Variants in CSMD1 observed in about 807,000 individuals in gnomAD.
The protein encoded by CSMD1 is CUB and sushi domain-containing protein 1.
A neutral mutation model predicts 417.5 loss-of-function variants in CSMD1; 213 were observed. That is an observed-to-expected ratio of 0.51 (90% CI 0.46 to 0.57). The LOEUF (loss-of-function observed/expected upper bound fraction) is 0.57. Ranked by LOEUF, CSMD1 falls within the 20% of genes least tolerant of loss-of-function variation. CSMD1 has a pLI of 0.00. For missense variants in CSMD1, 6,923 were observed against 4,529.7 expected (o/e 1.53, Z -15.17); for synonymous variants, 2,862 against 1,736.8 (o/e 1.65, Z -16.11).
At chr8:3,600,501 G>A (rs551803057) in intron 8 of CSMD1, among the ~76,000 whole-genome samples, 1 of 152,186 alleles carries the variant, frequency 6.6e-6, no homozygotes, top group Non-Finnish European at 1.5e-5. Context: ...GGGACGCCAA[G>A]TGTCAAAGAC....
chr8:3,831,452 G>A (rs138939577), intron 5 of CSMD1, among the ~76,000 whole-genome samples: 17 of 152,218 alleles, frequency 1.1e-4, no homozygotes, highest in South Asian at 4.2e-4. Context: ...AAACATCCAG[G>A]AGATTCCTTA....
rs922266218 is a variant in CSMD1, at chr8:3,165,784, G to C, written c.5726-3507C>G. On this transcript the variant is annotated intron_variant, in intron 37 of 69. Coordinates refer to ENST00000635120, the MANE Select transcript of CSMD1 (RefSeq NM_033225.6). Reference sequence around the variant, plus strand: ...TAGGCTTGACATACAGGACAGTGATGGGGATGTTAAAATAGGGCAAGAGTG... The same window carrying C: ...TAGGCTTGACATACAGGACAGTGATCGGGATGTTAAAATAGGGCAAGAGTG... Among the ~76,000 whole-genome samples, 11 of 152,068 alleles carry C rather than the reference G, an allele frequency of 7.2e-5. 1 individual carries two copies. Among genetic ancestry groups the C allele is most frequent in the African/African-American group, 2.7e-4 (11 of 41,400 alleles).
Position 3,037,468 on chromosome 8 carries a change from T to A in CSMD1, c.7661-7955A>T, listed in dbSNP as rs977415788. Among the ~76,000 whole-genome samples, 40 of 152,198 alleles carry A rather than the reference T, an allele frequency of 2.6e-4. 1 individual carries two copies. The highest frequency in any genetic ancestry group is 9.1e-4 in the African/African-American group (38 of 41,550). On this transcript the variant is annotated intron_variant, in intron 50 of 69. Coordinates refer to ENST00000635120, the MANE Select transcript of CSMD1 (RefSeq NM_033225.6). ...CGTGATCCGCCCGCCTCGGCCTCCC[T>A]ATACCGCACTTTCTTTATCCACTCA...
At chr8:3,680,995 A>C (rs1307306387) in intron 7 of CSMD1, among the ~76,000 whole-genome samples, 19 of 152,216 alleles carry the variant, frequency 1.2e-4, no homozygotes, top group Non-Finnish European at 2.5e-4. Flanking sequence ...ACAGCCCTTC[A>C]TGCTAAAAAC....
chr8:4,227,288 G>C (rs1454889955), intron 3 of CSMD1, among the ~76,000 whole-genome samples: 2 of 152,052 alleles, frequency 1.3e-5, no homozygotes. Flanking sequence ...TATCCCCTCG[G>C]TCTGCCTTGG....
At chr8:4,475,243 T>G (rs1800737005) in intron 2 of CSMD1, among the ~76,000 whole-genome samples, 1 of 152,190 alleles carries the variant, frequency 6.6e-6, no homozygotes, top group Admixed American at 6.6e-5. Flanking sequence ...TTTATCTATT[T>G]CCTCCCTCCC....
chr8:3,453,149 G>A (rs1376341364), intron 12 of CSMD1, among the ~76,000 whole-genome samples: 1 of 152,058 alleles, frequency 6.6e-6, no homozygotes, highest in Admixed American at 6.5e-5. Context: ...TATTTCCATG[G>A]GATTGGTGGT....
chr8:4,337,504 G>A (rs970067932), intron 3 of CSMD1, among the ~76,000 whole-genome samples: 3 of 151,968 alleles, frequency 2.0e-5, no homozygotes, highest in African/African-American at 7.2e-5. Flanking sequence ...ATATTCTAAG[G>A]ATAATTAATA....
At chr8:3,249,755 GTT>G (rs5888955) in intron 26 of CSMD1, among the ~76,000 whole-genome samples, 20 of 151,920 alleles carry the variant, frequency 1.3e-4, no homozygotes, top group African/African-American at 4.6e-4. Context: ...GTTTATTTCC[GTT>G]TTTTTTAAAT....
chr8:4,415,863 T>C (rs915646751), intron 3 of CSMD1, among the ~76,000 whole-genome samples: 1 of 152,196 alleles, frequency 6.6e-6, no homozygotes, highest in African/African-American at 2.4e-5. Context: ...ACGTAATATA[T>C]ACAAGAGGAA....
chr8:4,746,315 G>A (rs1276071656), intron 1 of CSMD1, among the ~76,000 whole-genome samples: 1 of 152,148 alleles, frequency 6.6e-6, no homozygotes, highest in East Asian at 1.9e-4. Context: ...AATTCACTCA[G>A]AATAGCGACT....
At position 4,154,723 on chromosome 8, in the gene CSMD1, G is replaced by C. The variant is rs550362595; in HGVS notation, c.416-122624C>G. ...CAAGGAAAAAGAGATCATGTTTGTA[G>C]ACCTACCTTATGCAAGTAAGGCTAA... On this transcript the variant is annotated intron_variant, in intron 3 of 69. Coordinates refer to ENST00000635120, the MANE Select transcript of CSMD1 (RefSeq NM_033225.6). Among the ~76,000 whole-genome samples, 7 of 152,278 alleles carry C rather than the reference G, an allele frequency of 4.6e-5. No homozygotes were observed. The East Asian group carries it at 7.7e-4, about 17-fold the overall frequency.
At chr8:4,810,041 T>C (rs1214115008) in intron 1 of CSMD1, among the ~76,000 whole-genome samples, 1 of 152,232 alleles carries the variant, frequency 6.6e-6, no homozygotes, top group Non-Finnish European at 1.5e-5. Context: ...TAGCTCAATA[T>C]AAATGTTATA....
intron 2 of CSMD1, among the ~76,000 whole-genome samples, chr8:4,517,707 C>G (rs1156454372): frequency 6.6e-6 from 1 of 152,172 alleles, no homozygotes; most frequent in African/African-American, 2.4e-5. Flanking sequence ...AATACTAATA[C>G]TTAGTTTTAA....
At chr8:4,402,701 G>A (rs1177397700) in intron 3 of CSMD1, among the ~76,000 whole-genome samples, 2 of 151,218 alleles carry the variant, frequency 1.3e-5, no homozygotes, top group African/African-American at 2.4e-5. Context: ...GAAGCAATGT[G>A]AAAACAGCCG....
chr8:3,149,571 G>A (rs1384885029), intron 40 of CSMD1, among the ~76,000 whole-genome samples: 2 of 152,106 alleles, frequency 1.3e-5, no homozygotes, highest in African/African-American at 2.4e-5. Flanking sequence ...TCCACCTCCC[G>A]GGTTCAAGCG....
chr8:4,107,709 C>T (rs553902669), intron 3 of CSMD1, among the ~76,000 whole-genome samples: 3 of 152,096 alleles, frequency 2.0e-5, no homozygotes, highest in Non-Finnish European at 2.9e-5. Flanking sequence ...GCAGCGCACA[C>T]GCTCCATCAG....
chr8:4,955,318 G>T (rs552224458), intron 1 of CSMD1, among the ~76,000 whole-genome samples: 109 of 152,150 alleles, frequency 7.2e-4, no homozygotes, highest in Non-Finnish European at 1.2e-3. Flanking sequence ...AAAAACTAAG[G>T]TTATAAATAC....
At chr8:3,267,909 C>G (rs1332826459) in intron 26 of CSMD1, among the ~76,000 whole-genome samples, 1 of 152,050 alleles carries the variant, frequency 6.6e-6, no homozygotes, top group Non-Finnish European at 1.5e-5. Context: ...GGTGGGAGAT[C>G]AAAGGGCAGC....
Sources: gnomAD v4.1 joint callset for allele counts (sites outside exome capture counted in the v4.1 genomes callset) on GRCh38, gnomAD v4.1.1 for gene constraint, MANE v1.5 for transcripts, NCBI Gene and HGNC (gene_info 2026-07-23, HGNC 2026-07-21) for gene names.